Variants in ABCA13 observed in about 807,000 individuals in gnomAD.
ABCA13 encodes the protein ATP-binding cassette sub-family A member 13.
Under a neutral mutation model 478.7 loss-of-function variants are expected in ABCA13, and 476 were observed. The observed-to-expected ratio is 0.99, with a 90% confidence interval of 0.92 to 1.07. The LOEUF (loss-of-function observed/expected upper bound fraction) is 1.07, where lower values mean the gene tolerates loss of function less well. Among genes scored for constraint, ABCA13 ranks in the 50% least tolerant of loss-of-function variants. The pLI is 0.00. For synonymous variants in ABCA13, 2,252 were observed against 2,158.9 expected (o/e 1.04, Z -1.20); for missense variants, 6,060 against 5,910.6 (o/e 1.03, Z -0.83).
chr7:48,299,570 T>C (rs1254037631), intron 23 of ABCA13, among the ~76,000 whole-genome samples: 1 of 152,218 alleles, frequency 6.6e-6, no homozygotes, highest in Non-Finnish European at 1.5e-5. Flanking sequence ...ATTTTTGGTT[T>C]AAAATCTTTA....
intron 55 of ABCA13, among the ~76,000 whole-genome samples, chr7:48,537,277 T>C (rs1833648489): frequency 6.6e-6 from 1 of 152,188 alleles, no homozygotes; most frequent in African/African-American, 2.4e-5. Context: ...AAATAAAAAA[T>C]CAAATTATGA....
At chr7:48,303,437 T>C (rs1255678656) in intron 23 of ABCA13, among the ~76,000 whole-genome samples, 1 of 152,226 alleles carries the variant, frequency 6.6e-6, no homozygotes, top group African/African-American at 2.4e-5. Context: ...TAGTATTACC[T>C]AGGTTGTCTT....
chr7:48,566,100 A>G (rs915566394), intron 55 of ABCA13, among the ~76,000 whole-genome samples: 1 of 152,136 alleles, frequency 6.6e-6, no homozygotes, highest in African/African-American at 2.4e-5. Flanking sequence ...ACTCTCATTG[A>G]CCTACTTTCA....
At chr7:48,205,080 A>C (rs140734949) in intron 3 of ABCA13, among the ~76,000 whole-genome samples, 8 of 152,324 alleles carry the variant, frequency 5.3e-5, no homozygotes, top group Non-Finnish European at 1.0e-4. Context: ...GGACTGTTGA[A>C]AACTTGGGAA....
chr7:48,376,566 A>G lies in ABCA13; in HGVS notation c.11329A>G (p.Ile3777Val), dbSNP rs1197981251. The change falls in exon 35 of 62, where the codon ATT becomes GTT. Residue 3777 changes from isoleucine to valine, a missense_variant. Transcript: ENST00000435803. ...GTGTGGATGGTACTTGAGCAACTTG[A>G]TTCCTGGTAAGAATTTTGCCTTTTG... is the stretch of plus-strand genomic sequence containing the variant. ...FLCGWYLSNL[I>V]PGTFGLRKPW... 2 of 1,613,460 alleles carry G rather than the reference A, an allele frequency of 1.2e-6. No individual in the cohort carries two copies. Among genetic ancestry groups the G allele is most frequent in the Non-Finnish European group, 1.7e-6 (2 of 1,179,772 alleles).
At chr7:48,190,640 C>T (rs1214524739) in intron 1 of ABCA13, among the ~76,000 whole-genome samples, 1 of 151,948 alleles carries the variant, frequency 6.6e-6, no homozygotes, top group Non-Finnish European at 1.5e-5. Flanking sequence ...TATCACTGGC[C>T]CCAAATAGAA....
intron 29 of ABCA13, among the ~76,000 whole-genome samples, chr7:48,348,714 A>G (rs1808480367): frequency 6.6e-6 from 1 of 152,210 alleles, no homozygotes; most frequent in African/African-American, 2.4e-5. Context: ...GGAAAACAGT[A>G]CCAAGATTTT....
At chr7:48,581,176 A>G (rs1585875060) in intron 56 of ABCA13, among the ~76,000 whole-genome samples, 1 of 152,300 alleles carries the variant, frequency 6.6e-6, no homozygotes, top group South Asian at 2.1e-4. Context: ...TAAGTGGCTT[A>G]TATTATGCGT....
intron 15 of ABCA13, among the ~76,000 whole-genome samples, chr7:48,252,709 T>G (rs1792760007): frequency 1.3e-5 from 2 of 152,212 alleles, no homozygotes; most frequent in South Asian, 4.1e-4. Flanking sequence ...GATTTAGTTT[T>G]GTGTTTTTCA....
chr7:48,608,875 T>G (rs994529195), intron 58 of ABCA13, among the ~76,000 whole-genome samples: 1 of 152,238 alleles, frequency 6.6e-6, no homozygotes, highest in African/African-American at 2.4e-5. Flanking sequence ...TTGTCCAGAT[T>G]CATCATTGCT....
chr7:48,365,869 G>T (rs993221455), intron 31 of ABCA13, among the ~76,000 whole-genome samples: 5 of 152,084 alleles, frequency 3.3e-5, no homozygotes, highest in African/African-American at 7.2e-5. Flanking sequence ...CATAAAAAAT[G>T]AAAAGATATC....
chr7:48,253,234 G>A (rs765958441), intron 15 of ABCA13, among the ~76,000 whole-genome samples: 4 of 152,150 alleles, frequency 2.6e-5, no homozygotes, highest in African/African-American at 4.8e-5. Context: ...GCTTTCAGTG[G>A]CCTCCAACCT....
At chr7:48,430,159 G>T (rs1050014573) in intron 42 of ABCA13, among the ~76,000 whole-genome samples, 1 of 152,026 alleles carries the variant, frequency 6.6e-6, no homozygotes, top group South Asian at 2.1e-4. Flanking sequence ...AAGGCTTCTG[G>T]GTCTGGGCTT....
At chr7:48,353,421 G>A (rs942540975) in intron 31 of ABCA13, among the ~76,000 whole-genome samples, 5 of 151,606 alleles carry the variant, frequency 3.3e-5, no homozygotes, top group African/African-American at 4.9e-5. Context: ...ACACTAGGAA[G>A]TAAGTGGCTG....
At position 48,245,587 on chromosome 7, in the gene ABCA13, A is replaced by G; in HGVS notation, c.1466A>G (p.Asp489Gly). ...FELNQLKLEK[D>G]VFFWELKQML... Reference sequence around the variant, plus strand: ...CTTAACCAATTGAAACTGGAAAAGGATGTGTTCTTTTGGGAGCTGAAACAG... The same window carrying G: ...CTTAACCAATTGAAACTGGAAAAGGGTGTGTTCTTTTGGGAGCTGAAACAG... The change falls in exon 12 of 62, where the codon GAT becomes GGT. Residue 489 changes from aspartate (D) to glycine (G), a missense_variant. Physicochemically the swap from Asp to Gly is moderately conservative, Grantham distance 94 (BLOSUM62 -1). This residue lies in a region of ABCA13 where 4,423 missense variants were observed against 4,309.1 expected (regional missense o/e 1.03). Transcript: ENST00000435803. 1 of 1,612,770 alleles carries G rather than the reference A, an allele frequency of 6.2e-7. No homozygotes were observed. The highest frequency in any genetic ancestry group is 1.1e-5 in the South Asian group (1 of 90,514).
intron 8 of ABCA13, 144 bp from the exon 9 acceptor site, chr7:48,239,097 A>G: frequency 3.7e-6 from 3 of 814,816 alleles, no homozygotes; most frequent in Non-Finnish European, 5.6e-6. Flanking sequence ...CCCTCAAGGT[A>G]AATCACATAG....
chr7:48,524,782 A>G (rs551244326), intron 54 of ABCA13, among the ~76,000 whole-genome samples: 2 of 152,326 alleles, frequency 1.3e-5, no homozygotes, highest in African/African-American at 4.8e-5. Flanking sequence ...TCTTACTGGG[A>G]CATCAGTACT....
intron 7 of ABCA13, among the ~76,000 whole-genome samples, chr7:48,230,351 T>C (rs1471644014): frequency 6.6e-6 from 1 of 152,228 alleles, no homozygotes; most frequent in African/African-American, 2.4e-5. Context: ...GGAGGCAGGT[T>C]GATGTGGACT....
intron 55 of ABCA13, among the ~76,000 whole-genome samples, chr7:48,576,014 A>C (rs2131343463): frequency 6.6e-6 from 1 of 152,296 alleles, no homozygotes; most frequent in East Asian, 1.9e-4. Flanking sequence ...GTATTCCCTA[A>C]AAAATACAGC....
Sources: allele counts gnomAD v4.1 joint callset (sites outside exome capture counted in the v4.1 genomes callset), GRCh38; gene constraint gnomAD v4.1.1; regional missense constraint gnomAD v4.1.1; transcripts MANE v1.5; gene names NCBI Gene and HGNC (gene_info 2026-07-23, HGNC 2026-07-21).